Variants in HSD17B12 observed in about 807,000 individuals in gnomAD.
The protein encoded by HSD17B12 is very-long-chain 3-oxoacyl-CoA reductase.
In HSD17B12, 32 loss-of-function variants were observed where a neutral mutation model predicts 39.3. That is an observed-to-expected ratio of 0.81 (90% CI 0.61 to 1.09). HSD17B12 has a LOEUF of 1.09. Among genes scored for constraint, HSD17B12 ranks in the 50% least tolerant of loss-of-function variants. HSD17B12 has a pLI of 0.00. For missense variants in HSD17B12, 342 were observed against 382.9 expected (o/e 0.89, Z 0.89); for synonymous variants, 150 against 146.7 (o/e 1.02, Z -0.16).
chr11:43,758,826 G>A (rs1204258844), intron 3 of HSD17B12, among the ~76,000 whole-genome samples: 2 of 152,150 alleles, frequency 1.3e-5, no homozygotes, highest in African/African-American at 2.4e-5. Flanking sequence ...AACAGCCAGG[G>A]TTAATTTGAT....
intron 1 of HSD17B12, among the ~76,000 whole-genome samples, chr11:43,730,274 A>G (rs773696063): frequency 2.0e-5 from 3 of 152,208 alleles, no homozygotes; most frequent in Non-Finnish European, 4.4e-5. Context: ...TTGTATGTAG[A>G]GTATAATCTC....
At chr11:43,579,934 A>G in the HSD17B12 span, among the ~76,000 whole-genome samples, 2 of 152,030 alleles carry the variant, frequency 1.3e-5, no homozygotes, top group African/African-American at 4.8e-5. Flanking sequence ...CAAATATGGC[A>G]ACTTTCCCCC....
chr11:43,854,918 C>T lies in HSD17B12; in HGVS notation c.834+54C>T, dbSNP rs962526576. 4.5e-6 allele frequency: 7 copies of T among 1,571,250 alleles called. No individual in the cohort carries two copies. The African/African-American group carries it at 8.1e-5, about 18-fold the overall frequency. ...ATACTTTCTGGCTTGGGGTTTCTTTCCCATTGAGTTACAGGATAGTATGTA... is the reference window on the plus strand; with the variant it reads ...ATACTTTCTGGCTTGGGGTTTCTTTTCCATTGAGTTACAGGATAGTATGTA... On this transcript the variant is annotated intron_variant, in intron 10 of 10. Transcript: ENST00000278353.
intron 1 of HSD17B12, among the ~76,000 whole-genome samples, chr11:43,733,540 C>G (rs1439315031): frequency 6.6e-6 from 1 of 152,166 alleles, no homozygotes; most frequent in Non-Finnish European, 1.5e-5. Context: ...ACTTAGGATT[C>G]TCTGTATTCT....
At chr11:43,666,185 G>A in the HSD17B12 span, among the ~76,000 whole-genome samples, 1 of 151,902 alleles carries the variant, frequency 6.6e-6, no homozygotes, top group African/African-American at 2.4e-5. Flanking sequence ...CAATATCTGG[G>A]TGCTAGGAAA....
chr11:43,719,626 AAAT>A (rs754901432), intron 1 of HSD17B12, among the ~76,000 whole-genome samples: 12,384 of 129,658 alleles, frequency 0.096, 573 homozygotes, highest in Middle Eastern at 0.15. Flanking sequence ...AAAAAAAAAA[AAAT>A]ATATATATAT....
chr11:43,751,980 G>T (rs990890588), intron 2 of HSD17B12, among the ~76,000 whole-genome samples: 2 of 152,062 alleles, frequency 1.3e-5, no homozygotes, highest in Non-Finnish European at 2.9e-5. Flanking sequence ...ATCCTTTTAA[G>T]CTCTTTTTTA....
intron 3 of HSD17B12, among the ~76,000 whole-genome samples, chr11:43,765,042 C>A (rs1243155555): frequency 6.6e-6 from 1 of 151,680 alleles, no homozygotes; most frequent in Non-Finnish European, 1.5e-5. Flanking sequence ...TTATTTCTAT[C>A]CTCGGTTTGC....
At chr11:43,581,950 C>A in the HSD17B12 span, among the ~76,000 whole-genome samples, 2 of 152,088 alleles carry the variant, frequency 1.3e-5, no homozygotes, top group African/African-American at 4.8e-5. This position sits in a 1 kb window ranked among gnomAD's most constrained non-coding sequence, Gnocchi z 4.9. Context: ...GTGGGGAAGC[C>A]CTTGAGGGAG....
chr11:43,816,774 C>T (rs1951127251), intron 6 of HSD17B12, among the ~76,000 whole-genome samples: 1 of 151,860 alleles, frequency 6.6e-6, no homozygotes, highest in Non-Finnish European at 1.5e-5. Flanking sequence ...CCCTCTTCCA[C>T]CCTTTTCCTG....
rs1669796300 is a variant in HSD17B12 at position 43,680,873 on chromosome 11, G to T, written c.46G>T (p.Ala16Ser). Residue 16 changes from alanine to serine, a missense_variant, in exon 1 of 11, where the codon GCG (alanine) becomes TCG (serine). Transcript: ENST00000278353. ...PAAGFLYWVG[A>S]GTVAYLALRI... ...CGCCGGCTTCCTGTACTGGGTCGGC[G>T]CGGGCACCGTGGCCTACCTAGCCCT... 7 of 1,614,004 alleles carry T rather than the reference G, an allele frequency of 4.3e-6. No individual in the cohort carries two copies. The highest frequency in any genetic ancestry group is 2.2e-5 in the South Asian group (2 of 91,092).
the HSD17B12 span, among the ~76,000 whole-genome samples, chr11:43,649,057 G>A: frequency 1.3e-5 from 2 of 152,032 alleles, no homozygotes; most frequent in South Asian, 2.1e-4. Flanking sequence ...TTCATTTTTG[G>A]TAGGGAGAGC....
chr11:43,826,081 C>CTTTTTT (rs71481435), intron 6 of HSD17B12, among the ~76,000 whole-genome samples: 3 of 75,274 alleles, frequency 4.0e-5, no homozygotes, highest in African/African-American at 1.3e-4. Flanking sequence ...CTTTTTTTTT[C>CTTTTTT]TTTTTTTTTT....
At chr11:43,718,386 A>G (rs1338106168) in intron 1 of HSD17B12, among the ~76,000 whole-genome samples, 4 of 152,076 alleles carry the variant, frequency 2.6e-5, no homozygotes, top group African/African-American at 7.2e-5. Flanking sequence ...TTTTCATCCA[A>G]CTAAAGTCCA....
the HSD17B12 span, chr11:43,644,883 A>G: frequency 6.6e-6 from 1 of 152,172 alleles, no homozygotes; most frequent in Non-Finnish European, 1.5e-5. Context: ...ATGCCTTCTT[A>G]TTAACTTGGA....
chr11:43,726,230 T>C (rs1271059132), intron 1 of HSD17B12, among the ~76,000 whole-genome samples: 2 of 152,072 alleles, frequency 1.3e-5, no homozygotes, highest in Admixed American at 1.3e-4. Context: ...TAAAGTTAGG[T>C]AGTTTGGTAA....
the HSD17B12 span, among the ~76,000 whole-genome samples, chr11:43,650,117 G>C: frequency 1.3e-5 from 2 of 152,194 alleles, no homozygotes; most frequent in Admixed American, 1.3e-4. Context: ...TTCTAAGGTT[G>C]TGGGTGGTTT....
intron 6 of HSD17B12, among the ~76,000 whole-genome samples, chr11:43,825,121 A>G (rs1951221273): frequency 7.6e-6 from 1 of 131,060 alleles, no homozygotes; most frequent in African/African-American, 2.8e-5. Context: ...GCAGAGTGAG[A>G]CCCTGTCTCA....
At chr11:43,836,756 A>G (rs956468435) in intron 7 of HSD17B12, among the ~76,000 whole-genome samples, 1 of 152,138 alleles carries the variant, frequency 6.6e-6, no homozygotes, top group African/African-American at 2.4e-5. Flanking sequence ...TATAGATAAA[A>G]TGAAAGGACT....
Sources: gnomAD v4.1 joint callset for allele counts (sites outside exome capture counted in the v4.1 genomes callset) on GRCh38, gnomAD v4.1.1 for gene constraint, Gnocchi (gnomAD v3.1) non-coding constraint, MANE v1.5 for transcripts, NCBI Gene and HGNC (gene_info 2026-07-23, HGNC 2026-07-21) for gene names.